CEP112: variants seen among roughly 807,000 people sequenced by gnomAD.
CEP112 encodes centrosomal protein 112.
A neutral mutation model predicts 153.0 loss-of-function variants in CEP112; 127 were observed. That is an observed-to-expected ratio of 0.83 (90% CI 0.72 to 0.96). CEP112 has a LOEUF of 0.96. CEP112 is among the 40% of genes least tolerant of loss of function. The probability of loss-of-function intolerance (pLI) is 0.00; values close to 1 mark genes in which losing one functional copy is unlikely to be tolerated. For missense variants in CEP112, 1,089 were observed against 1,101.2 expected, an observed-to-expected ratio of 0.99 and a Z score of 0.16; for synonymous variants, 358 against 374.4, an observed-to-expected ratio of 0.96 and a Z score of 0.51.
chr17:65,655,225 T>C (rs1292328846), intron 24 of CEP112: 1 of 860,404 alleles, frequency 1.2e-6, no homozygotes, highest in East Asian at 2.4e-5. Flanking sequence ...CCTAAACACT[T>C]TTGAAGTCAT....
intron 6 of CEP112, among the ~76,000 whole-genome samples, chr17:66,119,245 C>G (rs2069457272): frequency 6.6e-6 from 1 of 152,142 alleles, no homozygotes; most frequent in South Asian, 2.1e-4. Context: ...CTAATGCACG[C>G]TGGGCTTAAG....
At chr17:66,085,318 C>G (rs919414787) in intron 8 of CEP112, among the ~76,000 whole-genome samples, 2 of 152,166 alleles carry the variant, frequency 1.3e-5, no homozygotes, top group East Asian at 1.9e-4. Context: ...AAAAGAAACT[C>G]TATATCCACT....
intron 11 of CEP112, among the ~76,000 whole-genome samples, chr17:66,061,569 TACACACACAC>T (rs35156012): frequency 7.5e-5 from 11 of 146,160 alleles, no homozygotes; most frequent in African/African-American, 2.5e-4. Context: ...ATGTGATAGA[TACACACACAC>T]ACACACACAC....
chr17:65,966,348 C>CG (rs2062412506), intron 17 of CEP112, among the ~76,000 whole-genome samples: 1 of 152,176 alleles, frequency 6.6e-6, no homozygotes, highest in Admixed American at 6.5e-5. Context: ...GCTTTACAAG[C>CG]TAACATGTAT....
intron 24 of CEP112, among the ~76,000 whole-genome samples, chr17:65,672,056 A>T (rs2047011637): frequency 6.6e-6 from 1 of 152,214 alleles, no homozygotes; most frequent in Admixed American, 6.5e-5. Context: ...TTAAGAAATC[A>T]ACTGAAAGAT....
intron 4 of CEP112, among the ~76,000 whole-genome samples, chr17:66,137,349 T>C (rs942250008): frequency 1.3e-5 from 2 of 151,958 alleles, no homozygotes; most frequent in African/African-American, 2.4e-5. Context: ...TATGAGACAC[T>C]ATCAAGCAGG....
At chr17:66,099,129 G>T (rs72837136) in intron 6 of CEP112, among the ~76,000 whole-genome samples, 6 of 151,926 alleles carry the variant, frequency 3.9e-5, no homozygotes, top group African/African-American at 1.5e-4. Context: ...TTGAAGGAAG[G>T]TTGTTCATGA....
chr17:65,826,462 A>C, intron 21 of CEP112: 1 of 1,498,860 alleles, frequency 6.7e-7, no homozygotes, highest in Non-Finnish European at 8.8e-7. Flanking sequence ...GAGATTCCCC[A>C]CCACAATCTC....
Position 66,069,967 on chromosome 17 carries a change from A to G in CEP112, c.803T>C (p.Phe268Ser). 1 of 1,607,430 alleles carries G rather than the reference A, an allele frequency of 6.2e-7. No homozygotes were observed. Among genetic ancestry groups the G allele is most frequent in the Non-Finnish European group, 8.5e-7 (1 of 1,176,096 alleles). Residue 268 changes from phenylalanine (F) to serine (S), a missense_variant, in exon 9 of 27, where the codon TTT (phenylalanine) becomes TCT (serine). Transcript: ENST00000535342. Reference sequence around the variant, plus strand: ...TTGCAGTTTAAGCTTTTCTTCATGAAATTTAGCTTCCATCATTTTTGTTTT... The same window carrying G: ...TTGCAGTTTAAGCTTTTCTTCATGAGATTTAGCTTCCATCATTTTTGTTTT... ...DMKTKMMEAK[F>S]HEEKLKLQQK...
intron 18 of CEP112, among the ~76,000 whole-genome samples, chr17:65,956,992 C>T (rs2062026174): frequency 6.6e-6 from 1 of 152,028 alleles, no homozygotes; most frequent in Non-Finnish European, 1.5e-5. Flanking sequence ...CATGGATATG[C>T]TGGATAAAAG....
At chr17:65,844,980 T>G (rs2057672408) in intron 21 of CEP112, among the ~76,000 whole-genome samples, 1 of 151,288 alleles carries the variant, frequency 6.6e-6, no homozygotes, top group Non-Finnish European at 1.5e-5. Flanking sequence ...GCCACTGCAC[T>G]TCAGCCTGGC....
At position 65,829,343 on chromosome 17, in the gene CEP112, T is replaced by G. The variant is rs146183360; in HGVS notation, c.2394+22461A>C. Among the ~76,000 whole-genome samples the G allele has an allele frequency of 7.9e-3, 1,207 of 152,272 alleles. 11 individuals are homozygous for G. The highest frequency in any genetic ancestry group is 0.02 in the South Asian group (96 of 4,826). ...AGGCAAACCAGGCCCATAGAGAATTTTTTTTTCCATTATGAATATGAGTTA... is the reference window on the plus strand; with the variant it reads ...AGGCAAACCAGGCCCATAGAGAATTGTTTTTTCCATTATGAATATGAGTTA... On this transcript the variant is annotated intron_variant, in intron 21 of 26. Coordinates refer to ENST00000535342, the MANE Select transcript of CEP112 (RefSeq NM_001199165.4).
At chr17:65,867,899 T>G (rs2058536271) in intron 20 of CEP112, among the ~76,000 whole-genome samples, 1 of 150,170 alleles carries the variant, frequency 6.7e-6, no homozygotes, top group African/African-American at 2.5e-5. Flanking sequence ...AAAGGGGGAA[T>G]GAAGTCACCC....
At chr17:65,734,104 C>T (rs528011435) in intron 23 of CEP112, among the ~76,000 whole-genome samples, 5 of 152,352 alleles carry the variant, frequency 3.3e-5, no homozygotes, top group African/African-American at 1.2e-4. Context: ...TTCCTAGAAC[C>T]TGCAGATTCG....
At position 65,961,593 on chromosome 17, in the gene CEP112, T is replaced by A; in HGVS notation, c.1742A>T (p.Lys581Ile). 1.2e-6 allele frequency: 2 copies of A among 1,610,678 alleles called. No individual in the cohort carries two copies. The highest frequency in any genetic ancestry group is 1.7e-6 in the Non-Finnish European group (2 of 1,177,424). ...IHKFEEALKE[K>I]EEQLTRVTEV... ...AGTCACACGAGTTAGCTGCTCCTCT[T>A]TTTCCCTAGAAAGGTTCAGAGAAGC... The change falls in exon 18 of 27, where the codon AAA becomes ATA. Residue 581 changes from lysine (K) to isoleucine (I), a missense_variant. Lys to Ile is a moderately radical substitution (Grantham distance 102). Transcript: ENST00000535342.
intron 20 of CEP112, among the ~76,000 whole-genome samples, chr17:65,895,121 C>T (rs186434403): frequency 1.2e-3 from 175 of 152,162 alleles, no homozygotes; most frequent in African/African-American, 3.8e-3. Context: ...GAGGACTTTG[C>T]TATGAGTTGG....
intron 6 of CEP112, among the ~76,000 whole-genome samples, chr17:66,096,925 A>T (rs2068371310): frequency 6.6e-6 from 1 of 152,110 alleles, no homozygotes; most frequent in Non-Finnish European, 1.5e-5. Flanking sequence ...CCCAGGATCC[A>T]CAATGATTTA....
intron 8 of CEP112, among the ~76,000 whole-genome samples, chr17:66,080,634 C>A (rs900930536): frequency 6.6e-6 from 1 of 152,144 alleles, no homozygotes; most frequent in Non-Finnish European, 1.5e-5. Context: ...ACCAGAAATA[C>A]CATTTGACCC....
intron 12 of CEP112, among the ~76,000 whole-genome samples, chr17:66,044,974 A>G (rs1047020718): frequency 2.0e-5 from 3 of 152,186 alleles, no homozygotes; most frequent in Admixed American, 6.5e-5. Flanking sequence ...AAAAATAGAC[A>G]AAGGGGATGA....
Sources: allele counts gnomAD v4.1 joint callset (sites outside exome capture counted in the v4.1 genomes callset), GRCh38; gene constraint gnomAD v4.1.1; transcripts MANE v1.5; gene names NCBI Gene and HGNC (gene_info 2026-07-23, HGNC 2026-07-21).